LRRC63: variants seen among roughly 807,000 people sequenced by gnomAD.
The protein encoded by LRRC63 is leucine rich repeat containing 63, also known as leucine-rich repeat-containing protein 63.
A neutral mutation model predicts 49.5 loss-of-function variants in LRRC63; 40 were observed. That is an observed-to-expected ratio of 0.81 (90% CI 0.63 to 1.05). The LOEUF (loss-of-function observed/expected upper bound fraction) is 1.05, where lower values mean the gene tolerates loss of function less well. LRRC63 is among the 50% of genes least tolerant of loss of function. The pLI is 0.00. For synonymous variants in LRRC63, 191 were observed against 221.1 expected (o/e 0.86, Z 1.21); for missense variants, 636 against 663.1 (o/e 0.96, Z 0.45).
At chr13:46,218,622 A>G (rs1351230358) in intron 2 of LRRC63, among the ~76,000 whole-genome samples, 9 of 152,126 alleles carry the variant, frequency 5.9e-5, no homozygotes, top group Admixed American at 5.9e-4. Flanking sequence ...ATATCGTTAT[A>G]TGTGAATTTG....
At chr13:46,237,454 G>C (rs894606167) in intron 5 of LRRC63, among the ~76,000 whole-genome samples, 1 of 152,104 alleles carries the variant, frequency 6.6e-6, no homozygotes, top group Non-Finnish European at 1.5e-5. Flanking sequence ...TTAATGTTGG[G>C]GGAAGGCTAT....
chr13:46,269,890 T>C (rs1263325370), intron 9 of LRRC63, among the ~76,000 whole-genome samples: 3 of 140,756 alleles, frequency 2.1e-5, no homozygotes, highest in African/African-American at 5.2e-5. Flanking sequence ...TGTATAGATA[T>C]AGTAGACACT....
intron 5 of LRRC63, among the ~76,000 whole-genome samples, chr13:46,239,096 C>A (rs995390386): frequency 8.6e-5 from 13 of 151,928 alleles, no homozygotes; most frequent in Admixed American, 6.6e-4. Flanking sequence ...CAAGAGTAAA[C>A]CAACCCCAAA....
At chr13:46,218,848 C>A (rs1189683962) in intron 2 of LRRC63, among the ~76,000 whole-genome samples, 1 of 152,112 alleles carries the variant, frequency 6.6e-6, no homozygotes, top group Non-Finnish European at 1.5e-5. Context: ...TTTTATTTCT[C>A]CTTTGCTTAT....
chr13:46,242,890 T>C lies in LRRC63; in HGVS notation c.991-3637T>C, dbSNP rs565352524. 1.6e-4 allele frequency among the ~76,000 whole-genome samples: 25 copies of C among 152,222 alleles called. No homozygotes were observed. The South Asian group carries it at 5.2e-3, about 32-fold the overall frequency. On this transcript the variant is annotated intron_variant, in intron 5 of 9. Transcript: ENST00000595396. ...TGAAGGAATTCATAAACACCAAACC[T>C]GTCCAAAAAAATGCTACAGGGAGTC...
intron 5 of LRRC63, among the ~76,000 whole-genome samples, chr13:46,245,886 T>A (rs1274709800): frequency 1.3e-5 from 2 of 152,198 alleles, no homozygotes; most frequent in African/African-American, 4.8e-5. Flanking sequence ...CTGTCACACG[T>A]GTAATACTAC....
intron 7 of LRRC63, among the ~76,000 whole-genome samples, chr13:46,254,697 T>C (rs1004692546): frequency 3.3e-5 from 5 of 152,108 alleles, no homozygotes; most frequent in Non-Finnish European, 1.5e-5. Flanking sequence ...AGTGTTGATA[T>C]TGAGAGGAAC....
rs578123846 is a variant in LRRC63, at chr13:46,242,453, C to T, written c.991-4074C>T. The stretch of plus-strand genomic sequence containing the variant: ...CTATATAATAAACCTGCATGTGTAT[C>T]CCTGAACTTAAAAGCTAAATTTAGA... On this transcript the variant is annotated intron_variant, in intron 5 of 9. Coordinates refer to ENST00000595396, the Ensembl canonical transcript of LRRC63. Among the ~76,000 whole-genome samples, 85 of 152,076 alleles carry T rather than the reference C, an allele frequency of 5.6e-4. 1 individual carries two copies. The highest frequency in any genetic ancestry group is 2.0e-3 in the African/African-American group (82 of 41,444).
chr13:46,244,815 C>G (rs1414139131), intron 5 of LRRC63, among the ~76,000 whole-genome samples: 1 of 152,002 alleles, frequency 6.6e-6, no homozygotes. Context: ...ACAGATCAGA[C>G]AAACAGAAAA....
intron 8 of LRRC63, among the ~76,000 whole-genome samples, chr13:46,262,714 T>G (rs1054378184): frequency 1.3e-5 from 2 of 152,184 alleles, no homozygotes; most frequent in African/African-American, 4.8e-5. Flanking sequence ...CATATTTTTC[T>G]TAATAACCTT....
At chr13:46,234,098 A>G in intron 4 of LRRC63, 94 bp from the exon 5 acceptor site, 3 of 1,174,220 alleles carry the variant, frequency 2.6e-6, no homozygotes, top group Non-Finnish European at 2.4e-6. Flanking sequence ...TCCTTAGGGT[A>G]ACTCAATATT....
At chr13:46,216,719 A>C (rs2046261462) in intron 2 of LRRC63, among the ~76,000 whole-genome samples, 1 of 152,164 alleles carries the variant, frequency 6.6e-6, no homozygotes, top group Non-Finnish European at 1.5e-5. Flanking sequence ...TTGCCCATTC[A>C]GTATGATATT....
rs112624967 is a variant in LRRC63 at position 46,240,624 on chromosome 13, T to C, written c.991-5903T>C. On this transcript the variant is annotated intron_variant, in intron 5 of 9. Coordinates refer to ENST00000595396, the Ensembl canonical transcript of LRRC63. The stretch of plus-strand genomic sequence containing the variant: ...AAAGCTCCTTAAGCTGATAAACAAC[T>C]TCAGCAAAGTCTCAGGCTACAAAAT... Among the ~76,000 whole-genome samples the C allele has an allele frequency of 2.8e-3, 428 of 152,268 alleles. 7 individuals carry two copies. The highest frequency in any genetic ancestry group is 9.8e-3 in the African/African-American group (408 of 41,554).
At chr13:46,213,187 C>A in intron 2 of LRRC63, 68 bp downstream of exon 2, 2 of 1,053,584 alleles carry the variant, frequency 1.9e-6, no homozygotes, top group Non-Finnish European at 2.8e-6. Flanking sequence ...TTGACTTGCA[C>A]AGCTCAGAAT....
Position 46,238,717 on chromosome 13 carries a change from A to C in LRRC63, c.990+4368A>C, listed in dbSNP as rs146158667. On this transcript the variant is annotated intron_variant, in intron 5 of 9. Transcript: ENST00000595396. Reference sequence around the variant, plus strand: ...TCCCACGACACATGGGGATTATGGGAGCTACAATTCAAGATGATATTTGGG... The same window carrying C: ...TCCCACGACACATGGGGATTATGGGCGCTACAATTCAAGATGATATTTGGG... Among the ~76,000 whole-genome samples the C allele has an allele frequency of 3.5e-3, 539 of 152,296 alleles. 5 individuals are homozygous for C. Among genetic ancestry groups the C allele is most frequent in the African/African-American group, 0.012 (517 of 41,568 alleles).
intron 7 of LRRC63, among the ~76,000 whole-genome samples, chr13:46,250,726 G>A (rs1476536828): frequency 6.6e-6 from 1 of 151,866 alleles, no homozygotes; most frequent in African/African-American, 2.4e-5. Context: ...TCTGAGTACG[G>A]GTTAAATTAA....
chr13:46,228,589 A>G, intron 3 of LRRC63, 76 bp from the exon 4 acceptor site: 1 of 833,250 alleles, frequency 1.2e-6, no homozygotes, highest in South Asian at 1.5e-5. Flanking sequence ...ATGAACAATT[A>G]TATTGAAGTC....
chr13:46,227,042 G>A (rs1210253599), intron 2 of LRRC63, among the ~76,000 whole-genome samples: 1 of 152,174 alleles, frequency 6.6e-6, no homozygotes, highest in Non-Finnish European at 1.5e-5. Context: ...CTATCAGATT[G>A]TTATCATCTT....
At chr13:46,238,189 C>G (rs1247480186) in intron 5 of LRRC63, among the ~76,000 whole-genome samples, 2 of 152,108 alleles carry the variant, frequency 1.3e-5, no homozygotes, top group Non-Finnish European at 2.9e-5. Context: ...ACTGAGACTC[C>G]CTCACAATGA....
Sources: gnomAD v4.1 joint callset for allele counts (sites outside exome capture counted in the v4.1 genomes callset) on GRCh38, gnomAD v4.1.1 for gene constraint, MANE v1.5 for transcripts, NCBI Gene and HGNC (gene_info 2026-07-23, HGNC 2026-07-21) for gene names.